SUGT1: variants seen among roughly 807,000 people sequenced by gnomAD.
SUGT1 encodes the protein protein SGT1 homolog.
SUGT1 carries 15 observed loss-of-function variants against 56.1 expected under a neutral mutation model. The ratio of observed to expected loss-of-function variants is 0.27; its 90% CI spans 0.18 to 0.41. The LOEUF (loss-of-function observed/expected upper bound fraction) is 0.41, where lower values mean the gene tolerates loss of function less well. SUGT1 is among the 10% of genes least tolerant of loss of function. The probability of loss-of-function intolerance (pLI) is 1.00; values close to 1 mark genes in which losing one functional copy is unlikely to be tolerated. For missense variants in SUGT1, 347 were observed against 382.2 expected (o/e 0.91, Z 0.77); for synonymous variants, 123 against 128.6 (o/e 0.96, Z 0.30).
chr13:52,655,578 G>C (rs1962125756), intron 2 of SUGT1, among the ~76,000 whole-genome samples: 1 of 152,154 alleles, frequency 6.6e-6, no homozygotes, highest in Non-Finnish European at 1.5e-5. Context: ...ATGGAGGTGA[G>C]TTGTTTTATG....
chr13:52,653,136 T>A (rs764640130), intron 2 of SUGT1, 33 bp downstream of exon 2: 2 of 1,613,622 alleles, frequency 1.2e-6, no homozygotes, highest in Non-Finnish European at 1.7e-6. Flanking sequence ...CCTCCACTCT[T>A]CTTAGGGGAG....
In SUGT1 at chr13:52,653,162, T is replaced by G; in HGVS notation, c.96+59T>G. ...CTTAGGGGAGCTGGGCCACTTCGGG[T>G]CCCCGCTGACCCGCCTTCTCCCCGC... On this transcript the variant is annotated intron_variant, in intron 2 of 12. Transcript: ENST00000310528. 1.9e-6 allele frequency: 3 copies of G among 1,604,602 alleles called. 1 individual carries two copies. The South Asian group carries it at 3.3e-5, about 18-fold the overall frequency.
intron 11 of SUGT1, among the ~76,000 whole-genome samples, chr13:52,679,151 C>G (rs971513): frequency 0.96 from 145,721 of 152,310 alleles, 69,728 homozygotes; most frequent in East Asian, 0.99. Flanking sequence ...ATTGGATAGT[C>G]AACAGAGCTG....
chr13:52,676,694 A>G (rs1482823281), intron 11 of SUGT1, among the ~76,000 whole-genome samples: 1 of 152,084 alleles, frequency 6.6e-6, no homozygotes, highest in Admixed American at 6.6e-5. Flanking sequence ...CCCTTTCTTA[A>G]TTCCTTTCTG....
intron 12 of SUGT1, among the ~76,000 whole-genome samples, chr13:52,684,506 C>T (rs1963500181): frequency 6.7e-6 from 1 of 150,134 alleles, no homozygotes; most frequent in South Asian, 2.1e-4. Flanking sequence ...TTTCTAGGTT[C>T]TTAAGATGTA....
At position 52,657,578 on chromosome 13, in the gene SUGT1, A is replaced by G; in HGVS notation, c.143A>G (p.Tyr48Cys). The G allele has an allele frequency of 6.2e-7, 1 of 1,613,734 alleles. No homozygotes were observed. Among genetic ancestry groups the G allele is most frequent in the Non-Finnish European group, 8.5e-7 (1 of 1,179,760 alleles). Residue 48 changes from tyrosine (Y) to cysteine (C), a missense_variant, in exon 3 of 13, where the codon TAT becomes TGT. Coordinates refer to ENST00000310528, the MANE Select transcript of SUGT1 (RefSeq NM_006704.5). ...LEQKPDDAQYYCQRAYCHILL... is the reference protein window; with the variant it reads ...LEQKPDDAQYCCQRAYCHILL... ...CAGAAACCAGATGATGCACAGTATT[A>G]TTGTCAAAGAGCTTATTGTCACATT...
At chr13:52,678,686 T>G (rs1382784418) in intron 11 of SUGT1, among the ~76,000 whole-genome samples, 1 of 151,610 alleles carries the variant, frequency 6.6e-6, no homozygotes, top group Non-Finnish European at 1.5e-5. Context: ...TGTTGGTTTT[T>G]TTTTTTTTTT....
At position 52,695,814 on chromosome 13, in the gene SUGT1, G is replaced by T. The variant is rs1963913343; in HGVS notation, c.*7979G>T. ...TGTTTTTAGTGTTCAGACATCTGCTGTTTCTGAATATGTCGTGTATTTTCA... is the reference window on the plus strand; with the variant it reads ...TGTTTTTAGTGTTCAGACATCTGCTTTTTCTGAATATGTCGTGTATTTTCA... On this transcript the variant is annotated 3_prime_UTR_variant, in exon 13 of 13. Transcript: ENST00000310528. The T allele has an allele frequency of 6.6e-6, 1 of 152,202 alleles. No homozygotes were observed. Among genetic ancestry groups the T allele is most frequent in the Non-Finnish European group, 1.5e-5 (1 of 68,034 alleles). The allele number at this position is 152,202 out of a possible 1,614,324, so 9.4% of individuals were successfully genotyped here. A position where few individuals can be genotyped will look rare whatever the true frequency, so the allele number is the denominator to read the frequency against.
Position 52,691,235 on chromosome 13 carries a change from A to T in SUGT1, c.*3400A>T, listed in dbSNP as rs908855002. The T allele has an allele frequency of 2.0e-5, 3 of 151,748 alleles. No individual in the cohort carries two copies. The highest frequency in any genetic ancestry group is 7.3e-5 in the African/African-American group (3 of 41,260). 9.4% of individuals were successfully genotyped at this position (151,748 alleles called of 1,614,324 possible). A position where few individuals can be genotyped will look rare whatever the true frequency, so the allele number is the denominator to read the frequency against. ...TGGGCTCAAGTTATCTACCTGCCTC[A>T]GCCTACCCAAAGTGCTGGGATTACA... On this transcript the variant is annotated 3_prime_UTR_variant, in exon 13 of 13. Transcript: ENST00000310528.
chr13:52,662,795 A>G (rs763548342), intron 6 of SUGT1, 93 bp downstream of exon 6: 35 of 1,304,064 alleles, frequency 2.7e-5, no homozygotes, highest in Non-Finnish European at 3.4e-5. Context: ...TTATCTTTAT[A>G]ATTTCTTTTA....
chr13:52,653,707 A>C (rs1962028235), intron 2 of SUGT1, among the ~76,000 whole-genome samples: 2 of 152,248 alleles, frequency 1.3e-5, no homozygotes, highest in Non-Finnish European at 2.9e-5. Context: ...CAATGAAGGC[A>C]AACCATAAAG....
intron 12 of SUGT1, among the ~76,000 whole-genome samples, chr13:52,686,622 A>G (rs760553247): frequency 3.9e-5 from 6 of 152,220 alleles, no homozygotes; most frequent in Admixed American, 2.0e-4. Flanking sequence ...CGTGTCGGAC[A>G]TGGGGTTACA....
At chr13:52,656,876 T>G (rs978158775) in intron 2 of SUGT1, among the ~76,000 whole-genome samples, 1 of 152,240 alleles carries the variant, frequency 6.6e-6, no homozygotes, top group African/African-American at 2.4e-5. Flanking sequence ...CTTACATCAT[T>G]ATTTTTCCAG....
At position 52,652,840 on chromosome 13, in the gene SUGT1, A is replaced by G. The variant is rs988827484; in HGVS notation, c.-81A>G. On this transcript the variant is annotated 5_prime_UTR_variant, in exon 1 of 13. Coordinates refer to ENST00000310528, the MANE Select transcript of SUGT1 (RefSeq NM_006704.5). ...ACGGAAGCTCGGTTGGTGTTTCTCCAGAAGTTTCCCCCTTGGGCGGTGGTG... is the reference window on the plus strand; with the variant it reads ...ACGGAAGCTCGGTTGGTGTTTCTCCGGAAGTTTCCCCCTTGGGCGGTGGTG... 7.1e-6 allele frequency: 11 copies of G among 1,560,278 alleles called. No individual in the cohort carries two copies. Among genetic ancestry groups the G allele is most frequent in the Non-Finnish European group, 9.6e-6 (11 of 1,150,578 alleles).
At chr13:52,687,374 A>G (rs1293417140) in intron 12 of SUGT1, 2 of 106,148 alleles carry the variant, frequency 1.9e-5, no homozygotes, top group African/African-American at 7.8e-5. Flanking sequence ...AGATTATAAT[A>G]ATCATTTTTT....
intron 7 of SUGT1, 93 bp from the exon 8 acceptor site, chr13:52,663,942 A>G (rs1343640961): frequency 1.7e-6 from 2 of 1,211,994 alleles, no homozygotes; most frequent in African/African-American, 1.5e-5. Context: ...GTGTTGGGTA[A>G]ATTAATAATA....
intron 10 of SUGT1, among the ~76,000 whole-genome samples, chr13:52,673,378 C>G (rs948792320): frequency 6.6e-6 from 1 of 151,914 alleles, no homozygotes; most frequent in African/African-American, 2.4e-5. Flanking sequence ...TCCCAGAGTG[C>G]CAGGATTACA....
intron 2 of SUGT1, among the ~76,000 whole-genome samples, chr13:52,654,653 T>A (rs1287630820): frequency 6.6e-6 from 1 of 152,226 alleles, no homozygotes; most frequent in Non-Finnish European, 1.5e-5. Context: ...CAGTTAGTTT[T>A]GTTTGTTCTT....
intron 6 of SUGT1, 140 bp from the exon 7 acceptor site, chr13:52,662,956 A>G: frequency 7.0e-6 from 7 of 1,001,238 alleles, no homozygotes; most frequent in Non-Finnish European, 1.0e-5. Context: ...AGGATGCAAA[A>G]TGAAACCACT....
Sources: gnomAD v4.1 joint callset for allele counts (sites outside exome capture counted in the v4.1 genomes callset) on GRCh38, gnomAD v4.1.1 for gene constraint, MANE v1.5 for transcripts, NCBI Gene and HGNC (gene_info 2026-07-23, HGNC 2026-07-21) for gene names.